PIGU: variants seen among roughly 807,000 people sequenced by gnomAD.
PIGU encodes GPI-anchor transamidase component PIGU.
Under a neutral mutation model 49.9 loss-of-function variants are expected in PIGU, and 24 were observed. The ratio of observed to expected loss-of-function variants is 0.48; its 90% CI spans 0.35 to 0.68. The LOEUF is 0.68. Ranked by LOEUF, PIGU falls within the 30% of genes least tolerant of loss-of-function variation. The pLI, the probability that PIGU is intolerant of heterozygous loss-of-function variation, is 0.01. For synonymous variants in PIGU, 220 were observed against 205.7 expected, an observed-to-expected ratio of 1.07 and a Z score of -0.59; for missense variants, 490 against 532.6, an observed-to-expected ratio of 0.92 and a Z score of 0.79.
intron 9 of PIGU, among the ~76,000 whole-genome samples, chr20:34,584,255 T>C (rs761753034): frequency 3.3e-5 from 5 of 152,212 alleles, no homozygotes; most frequent in Non-Finnish European, 5.9e-5. Flanking sequence ...GGTATGATTA[T>C]GTTTCAGAGG....
intron 1 of PIGU, among the ~76,000 whole-genome samples, chr20:34,659,272 C>T (rs1343892001): frequency 4.5e-5 from 5 of 109,944 alleles, no homozygotes; most frequent in African/African-American, 1.0e-4. Context: ...GCCCCCCGCC[C>T]GGCCAGCCAC....
intron 6 of PIGU, among the ~76,000 whole-genome samples, chr20:34,622,729 G>A (rs1001533441): frequency 1.3e-5 from 2 of 152,080 alleles, no homozygotes; most frequent in Non-Finnish European, 2.9e-5. Context: ...TGTGCCAAGA[G>A]GACTAAGAGT....
chr20:34,615,984 G>A (rs1600630982), intron 7 of PIGU, 58 bp downstream of exon 7: 1 of 1,554,430 alleles, frequency 6.4e-7, no homozygotes, highest in East Asian at 2.4e-5. Context: ...CCCCAGCAGG[G>A]ACCAGGCCAT....
chr20:34,575,429 T>G (rs911961843), intron 10 of PIGU, among the ~76,000 whole-genome samples, 183 bp from the exon 11 acceptor site: 1 of 152,140 alleles, frequency 6.6e-6, no homozygotes, highest in African/African-American at 2.4e-5. Context: ...TGGCTCCCCA[T>G]GCCCACAGCT....
chr20:34,640,882 C>G (rs1247390286), intron 4 of PIGU, among the ~76,000 whole-genome samples: 1 of 152,040 alleles, frequency 6.6e-6, no homozygotes, highest in African/African-American at 2.4e-5. Context: ...ACATAATTCC[C>G]CTACTTCAAA....
At chr20:34,655,904 T>G (rs1295769759) in intron 2 of PIGU, among the ~76,000 whole-genome samples, 1 of 119,368 alleles carries the variant, frequency 8.4e-6, no homozygotes, top group African/African-American at 3.1e-5. Flanking sequence ...CAAAAAGACC[T>G]GTCAGGAAGC....
In PIGU at chr20:34,644,176, G is replaced by A. The variant is rs1312663683; in HGVS notation, c.306C>T (p.Phe102=). 24 of 1,609,776 alleles carry A rather than the reference G, an allele frequency of 1.5e-5. No individual in the cohort carries two copies. Among genetic ancestry groups the A allele is most frequent in the Non-Finnish European group, 2.0e-5 (23 of 1,176,304 alleles). ...ACAAACTACTTACCACAACTTTATT[G>A]AAGTCCTGGATTGCAAAATACAGGG... The part of the protein sequence containing the change: ...AIALYFAIQD[F]NKVVFKKQKL... The change falls in exon 4 of 12, where the codon TTC becomes TTT. Residue 102 remains phenylalanine (F), a synonymous_variant. Transcript: ENST00000217446.
chr20:34,625,422 A>G (rs1334647027), intron 6 of PIGU, among the ~76,000 whole-genome samples: 1 of 151,886 alleles, frequency 6.6e-6, no homozygotes, highest in Non-Finnish European at 1.5e-5. Flanking sequence ...AAAAGGAAAT[A>G]AAACTCACCC....
chr20:34,639,927 T>A (rs886881005), intron 4 of PIGU, among the ~76,000 whole-genome samples: 7 of 152,162 alleles, frequency 4.6e-5, no homozygotes, highest in Admixed American at 2.0e-4. Flanking sequence ...ATCAAGTGCT[T>A]AGTGAGGACA....
At chr20:34,571,671 C>T (rs972818374) in intron 11 of PIGU, among the ~76,000 whole-genome samples, 1 of 152,086 alleles carries the variant, frequency 6.6e-6, no homozygotes, top group African/African-American at 2.4e-5. Flanking sequence ...GTTTGGGCTG[C>T]GCAGGACATG....
At chr20:34,668,551 T>C (rs1421528790) in intron 1 of PIGU, among the ~76,000 whole-genome samples, 1 of 144,712 alleles carries the variant, frequency 6.9e-6, no homozygotes, top group Non-Finnish European at 1.5e-5. Context: ...GGGCAAATCA[T>C]GAGGTCAGGA....
At position 34,581,588 on chromosome 20, in the gene PIGU, G is replaced by C; in HGVS notation, c.1011C>G (p.Leu337=). 1 of 1,613,948 alleles carries C rather than the reference G, an allele frequency of 6.2e-7. No homozygotes were observed. Among genetic ancestry groups the C allele is most frequent in the Non-Finnish European group, 8.5e-7 (1 of 1,179,984 alleles). ...TCCACACGGGGAAGAAGGCCATGTAGAGCGCCACGTCCCCCACTGTCGGGT... is the reference window on the plus strand; with the variant it reads ...TCCACACGGGGAAGAAGGCCATGTACAGCGCCACGTCCCCCACTGTCGGGT... The part of the protein sequence containing the change: ...KSYPTVGDVA[L]YMAFFPVWNH... The change falls in exon 10 of 12, where the codon CTC becomes CTG. Residue 337 remains leucine (L), a synonymous_variant. Coordinates refer to ENST00000217446, the MANE Select transcript of PIGU (RefSeq NM_080476.5).
chr20:34,598,715 C>T (rs1193164044), intron 7 of PIGU, among the ~76,000 whole-genome samples: 1 of 152,186 alleles, frequency 6.6e-6, no homozygotes, highest in Non-Finnish European at 1.5e-5. Context: ...GGTTCTGTTG[C>T]CCTTGGAGTC....
chr20:34,617,364 G>A (rs1985053535), intron 6 of PIGU, among the ~76,000 whole-genome samples: 1 of 152,222 alleles, frequency 6.6e-6, no homozygotes, highest in African/African-American at 2.4e-5. Context: ...CAAGGGTGGA[G>A]CTGCCCAAGA....
At chr20:34,641,864 A>C (rs1986174801) in intron 4 of PIGU, among the ~76,000 whole-genome samples, 1 of 152,146 alleles carries the variant, frequency 6.6e-6, no homozygotes, top group Admixed American at 6.6e-5. Flanking sequence ...CATACATAAA[A>C]CTTCTATTCT....
In PIGU at chr20:34,637,860, G is replaced by C. The variant is rs1220431698; in HGVS notation, c.428+16C>G. 1 of 1,606,322 alleles carries C rather than the reference G, an allele frequency of 6.2e-7. No homozygotes were observed. Among genetic ancestry groups the C allele is most frequent in the Non-Finnish European group, 8.5e-7 (1 of 1,177,610 alleles). ...CATTTGTTGGCACTAAGCCTGTTTT[G>C]TCAGGGAATACTTACAACAGGGCCA... On this transcript the variant is annotated intron_variant, in intron 5 of 11. Transcript: ENST00000217446.
chr20:34,652,777 C>G (rs1256973873), intron 2 of PIGU, among the ~76,000 whole-genome samples: 1 of 152,010 alleles, frequency 6.6e-6, no homozygotes, highest in African/African-American at 2.4e-5. Context: ...AGATATCTTT[C>G]TGGTATTTTT....
chr20:34,617,444 G>T (rs1985056213), intron 6 of PIGU, among the ~76,000 whole-genome samples: 1 of 152,202 alleles, frequency 6.6e-6, no homozygotes, highest in Admixed American at 6.5e-5. Flanking sequence ...GATCATTTTG[G>T]AACTTTAAGA....
At chr20:34,573,764 G>A (rs529040037) in intron 11 of PIGU, among the ~76,000 whole-genome samples, 20 of 152,368 alleles carry the variant, frequency 1.3e-4, no homozygotes, top group African/African-American at 4.8e-4. Flanking sequence ...AAGTAAGAGA[G>A]GCTGCGCATC....
Sources: allele counts gnomAD v4.1 joint callset (sites outside exome capture counted in the v4.1 genomes callset), GRCh38; gene constraint gnomAD v4.1.1; transcripts MANE v1.5; gene names NCBI Gene and HGNC (gene_info 2026-07-23, HGNC 2026-07-21).